ROCK2: variants seen among roughly 807,000 people sequenced by gnomAD.
ROCK2 encodes the protein Rho associated coiled-coil containing protein kinase 2.
A neutral mutation model predicts 195.1 loss-of-function variants in ROCK2; 61 were observed. The observed-to-expected ratio is 0.31, with a 90% confidence interval of 0.25 to 0.39. The LOEUF (loss-of-function observed/expected upper bound fraction) is 0.39. Among genes scored for constraint, ROCK2 ranks in the 10% least tolerant of loss-of-function variants. The pLI, the probability that ROCK2 is intolerant of heterozygous loss-of-function variation, is 1.00. For missense variants in ROCK2, 1,109 were observed against 1,637.4 expected, an observed-to-expected ratio of 0.68 and a Z score of 5.57; for synonymous variants, 504 against 545.5, an observed-to-expected ratio of 0.92 and a Z score of 1.06.
rs575715937 is a variant in ROCK2, at chr2:11,197,789, G to A, written c.3100-84C>T. 4.5e-6 allele frequency: 4 copies of A among 896,362 alleles called. No individual in the cohort carries two copies. Among genetic ancestry groups the A allele is most frequent in the Middle Eastern group, 3.3e-4 (1 of 3,018 alleles). 55.5% of individuals were successfully genotyped at this position (896,362 alleles called of 1,614,324 possible). A position where few individuals can be genotyped will look rare whatever the true frequency, so the allele number is the denominator to read the frequency against. On this transcript the variant is annotated intron_variant, in intron 25 of 32. Coordinates refer to ENST00000315872, the MANE Select transcript of ROCK2 (RefSeq NM_004850.5). This position sits in a 1 kb window ranked among gnomAD's most constrained non-coding sequence, Gnocchi z 4.9. ...CTCAGTATCTCATCAAGAGCAACAA[G>A]TTATACAATCACAAATACTCTCCTT...
chr2:11,329,678 C>G (rs555879328), intron 1 of ROCK2, among the ~76,000 whole-genome samples: 36 of 134,314 alleles, frequency 2.7e-4, no homozygotes, highest in Non-Finnish European at 6.5e-5. Context: ...AAATTTATAA[C>G]TTTACAGCCT....
At chr2:11,341,237 T>C (rs1415831183) in intron 1 of ROCK2, among the ~76,000 whole-genome samples, 1 of 152,212 alleles carries the variant, frequency 6.6e-6, no homozygotes, top group African/African-American at 2.4e-5. Context: ...ATCTTTACAC[T>C]GATTTAGTCT....
chr2:11,308,339 G>A (rs1208130695), intron 1 of ROCK2: 2 of 1,179,994 alleles, frequency 1.7e-6, no homozygotes, highest in African/African-American at 3.0e-5. Context: ...ATATAATAAA[G>A]AATTCCCATT....
At chr2:11,287,340 A>G (rs1363815941) in intron 2 of ROCK2, among the ~76,000 whole-genome samples, 1 of 152,196 alleles carries the variant, frequency 6.6e-6, no homozygotes, top group Non-Finnish European at 1.5e-5. Context: ...TCTCTGGGCA[A>G]TATTAAGTCT....
chr2:11,200,982 G>A lies in ROCK2; in HGVS notation c.2885C>T (p.Thr962Met), dbSNP rs752852649. 126 of 1,594,610 alleles carry A rather than the reference G, an allele frequency of 7.9e-5. No homozygotes were observed. Among genetic ancestry groups the A allele is most frequent in the Middle Eastern group, 5.0e-4 (3 of 5,976 alleles). ...AGAAGCAATTGTAGCATCTTTTTCC[G>A]TAAGTTCCTGTTTGTGTCTAGCCAT... ...EMMARHKQELTEKDATIASLE... is the reference protein window; with the variant it reads ...EMMARHKQELMEKDATIASLE... Residue 962 changes from threonine (T) to methionine (M), a missense_variant, in exon 23 of 33, where the codon ACG becomes ATG. Physicochemically the swap from Thr to Met is moderately conservative, Grantham distance 81 (BLOSUM62 -1). This residue lies in a region of ROCK2 where 542 missense variants were observed against 672.0 expected (regional missense o/e 0.81). Transcript: ENST00000315872.
intron 4 of ROCK2, among the ~76,000 whole-genome samples, chr2:11,242,770 A>G (rs1409586542): frequency 2.0e-5 from 3 of 152,130 alleles, no homozygotes; most frequent in Admixed American, 6.6e-5. Flanking sequence ...TTATCATGCC[A>G]TGTGTGTACT....
At chr2:11,262,789 G>A (rs1401225607) in intron 3 of ROCK2, among the ~76,000 whole-genome samples, 1 of 151,920 alleles carries the variant, frequency 6.6e-6, no homozygotes, top group Non-Finnish European at 1.5e-5. Context: ...TAATACACTT[G>A]GAAAATCCTA....
At chr2:11,291,541 A>T (rs560259773) in intron 1 of ROCK2, among the ~76,000 whole-genome samples, 28 of 116,008 alleles carry the variant, frequency 2.4e-4, no homozygotes, top group South Asian at 1.4e-3. Flanking sequence ...ACAGACCAAG[A>T]CTCTGTCTTA....
chr2:11,252,939 T>TATAATAATAATA (rs199970738), intron 3 of ROCK2, among the ~76,000 whole-genome samples: 12 of 143,338 alleles, frequency 8.4e-5, no homozygotes, highest in South Asian at 2.2e-4. Flanking sequence ...AACTTAAAAG[T>TATAATAATAATA]ATAATAATAA....
At chr2:11,186,848 T>C (rs1320283643) in intron 32 of ROCK2, among the ~76,000 whole-genome samples, 5 of 152,174 alleles carry the variant, frequency 3.3e-5, no homozygotes, top group Admixed American at 6.5e-5. Context: ...CATCCTCCAT[T>C]GTTTGAGATC....
intron 32 of ROCK2, among the ~76,000 whole-genome samples, chr2:11,187,848 T>C (rs939750437): frequency 3.3e-5 from 5 of 152,164 alleles, no homozygotes; most frequent in Non-Finnish European, 7.4e-5. Context: ...CTTCATTATT[T>C]TCCCAAGTAG....
chr2:11,263,631 T>C (rs572061278), intron 3 of ROCK2, among the ~76,000 whole-genome samples: 1 of 133,936 alleles, frequency 7.5e-6, no homozygotes, highest in East Asian at 2.3e-4. Context: ...TCAAAGTATA[T>C]ATATAAACTA....
At chr2:11,218,544 C>A in intron 10 of ROCK2, 78 bp from the exon 11 acceptor site, 1 of 1,046,876 alleles carries the variant, frequency 9.6e-7, no homozygotes, top group Non-Finnish European at 1.4e-6. Context: ...AAACACAAAC[C>A]ATAACAAAAT....
At chr2:11,257,032 T>C (rs1666060310) in intron 3 of ROCK2, among the ~76,000 whole-genome samples, 1 of 151,462 alleles carries the variant, frequency 6.6e-6, no homozygotes, top group South Asian at 2.1e-4. Flanking sequence ...TCAGTATGGA[T>C]ATAAAGAAAA....
chr2:11,193,546 C>T (rs1663514381), intron 30 of ROCK2, among the ~76,000 whole-genome samples: 1 of 152,068 alleles, frequency 6.6e-6, no homozygotes. Context: ...GATACAAACA[C>T]ACCGCAAGCT....
chr2:11,233,152 T>A (rs1167631836), intron 5 of ROCK2, among the ~76,000 whole-genome samples: 3 of 152,192 alleles, frequency 2.0e-5, no homozygotes, highest in Non-Finnish European at 2.9e-5. Context: ...GGTTTCGGGC[T>A]ACAGTGAGCT....
At chr2:11,267,986 C>G (rs1422887627) in intron 3 of ROCK2, among the ~76,000 whole-genome samples, 1 of 151,684 alleles carries the variant, frequency 6.6e-6, no homozygotes, top group Admixed American at 6.6e-5. Flanking sequence ...GTTTCTGGTT[C>G]CACAGATAAG....
chr2:11,280,481 T>C (rs546827812), intron 3 of ROCK2, among the ~76,000 whole-genome samples: 190 of 145,934 alleles, frequency 1.3e-3, no homozygotes, highest in African/African-American at 4.7e-3. Flanking sequence ...AAAAAAAAAA[T>C]TGAGCCATTC....
chr2:11,235,786 T>C lies in ROCK2; in HGVS notation c.639A>G (p.Arg213=). 6.2e-7 allele frequency: 1 copy of C among 1,614,010 alleles called. No individual in the cohort carries two copies. Among genetic ancestry groups the C allele is most frequent in the Non-Finnish European group, 8.5e-7 (1 of 1,179,948 alleles). ...AGAGCATGTTGTCAGGCTTCACATCTCTGTGTATTAAACCCATGGAGTGTA... is the reference window on the plus strand; with the variant it reads ...AGAGCATGTTGTCAGGCTTCACATCCCTGTGTATTAAACCCATGGAGTGTA... ...DAIHSMGLIH[R]DVKPDNMLLD... is the part of the protein sequence containing the mutation. Residue 213 remains arginine (R), a synonymous_variant, in exon 5 of 33, where the codon AGA becomes AGG. Transcript: ENST00000315872. This position sits in a 1 kb window ranked among gnomAD's most constrained non-coding sequence, Gnocchi z 4.2.
Sources: allele counts gnomAD v4.1 joint callset (sites outside exome capture counted in the v4.1 genomes callset), GRCh38; gene constraint gnomAD v4.1.1; regional missense constraint gnomAD v4.1.1; non-coding constraint Gnocchi (gnomAD v3.1); transcripts MANE v1.5; gene names NCBI Gene and HGNC (gene_info 2026-07-23, HGNC 2026-07-21).